The following RELT variants were observed in gnomAD, a reference collection of about 807,000 sequenced individuals.
The protein encoded by RELT is tumor necrosis factor receptor superfamily member 19L.
Under a neutral mutation model 51.1 loss-of-function variants are expected in RELT, and 37 were observed. The ratio of observed to expected loss-of-function variants is 0.72; its 90% confidence interval spans 0.56 to 0.95. RELT has a LOEUF of 0.95. Among genes scored for constraint, RELT ranks in the 40% least tolerant of loss-of-function variants. The pLI, the probability that RELT is intolerant of heterozygous loss-of-function variation, is 0.00. For synonymous variants in RELT, 241 were observed against 235.7 expected, an observed-to-expected ratio of 1.02 and a Z score of -0.21; for missense variants, 535 against 572.6, an observed-to-expected ratio of 0.93 and a Z score of 0.67.
At chr11:73,393,557 C>T (rs574757091) in intron 6 of RELT, 1 of 1,381,808 alleles carries the variant, frequency 7.2e-7, no homozygotes, top group African/African-American at 1.4e-5. Context: ...GCACCGCCCC[C>T]TCGCCCGCCC....
chr11:73,392,739 C>G (rs1866239490), intron 6 of RELT: 6 of 1,384,272 alleles, frequency 4.3e-6, no homozygotes, highest in Middle Eastern at 2.7e-4. Flanking sequence ...GATCTGGACT[C>G]TTTGGAGGCC....
chr11:73,392,276 C>G lies in RELT; in HGVS notation c.433C>G (p.Arg145Gly). 6.2e-7 allele frequency: 1 copy of G among 1,612,970 alleles called. No homozygotes were observed. The change falls in exon 6 of 11, where the codon CGG becomes GGG. Residue 145 changes from arginine to glycine, a missense_variant. Transcript: ENST00000064780. ...AGGGGCCAGCAGCGGTGGTGAGACACGGCAGCCTGGGAACGGCACCCGGGC... is the reference window on the plus strand; with the variant it reads ...AGGGGCCAGCAGCGGTGGTGAGACAGGGCAGCCTGGGAACGGCACCCGGGC... ...AAGASSGGET[R>G]QPGNGTRAGG...
rs970764031 is a variant in RELT, at chr11:73,389,124, C to G, written c.-13C>G. ...CCATCTGCCCTAGGCCGGCGACCACCAGGGGCCTGAGGATGAAGCCAAGTC... is the reference window on the plus strand; with the variant it reads ...CCATCTGCCCTAGGCCGGCGACCACGAGGGGCCTGAGGATGAAGCCAAGTC... On this transcript the variant is annotated 5_prime_UTR_variant, in exon 2 of 11. Coordinates refer to ENST00000064780, the MANE Select transcript of RELT (RefSeq NM_152222.2). The G allele has an allele frequency of 6.5e-7, 1 of 1,546,400 alleles. No individual in the cohort carries two copies. Among genetic ancestry groups the G allele is most frequent in the South Asian group, 1.2e-5 (1 of 84,116 alleles).
rs779661316 is a variant in RELT, at chr11:73,393,811, AG to A, written c.626-24del. 6.2e-5 allele frequency: 100 copies of A among 1,610,378 alleles called. 2 individuals are homozygous for A. The South Asian group carries it at 1.0e-3, about 17-fold the overall frequency. On this transcript the variant is annotated intron_variant, in intron 6 of 10. Transcript: ENST00000064780. ...GGAGTGCGGCTTCCCCCTCTTCCCC[AG>A]GATCAGGGCCCTTCTCTTCCCCAGG...
chr11:73,391,097 T>C lies in RELT; in HGVS notation c.288-47T>C, dbSNP rs774532131. 1.6e-5 allele frequency: 25 copies of C among 1,588,500 alleles called. No individual in the cohort carries two copies. In the South Asian group the frequency reaches 2.1e-4, roughly 13 times the overall value. On this transcript the variant is annotated intron_variant, in intron 4 of 10. Coordinates refer to ENST00000064780, the MANE Select transcript of RELT (RefSeq NM_152222.2). ...GGAATCCAGCCTCTCCTAAGGATAGTGTTTGGGGAAACTTCTGGGCCTCAG... is the reference window on the plus strand; with the variant it reads ...GGAATCCAGCCTCTCCTAAGGATAGCGTTTGGGGAAACTTCTGGGCCTCAG...
Position 73,394,269 on chromosome 11 carries a change from A to G in RELT, c.740A>G (p.Glu247Gly), listed in dbSNP as rs1209253600. 4 of 1,612,012 alleles carry G rather than the reference A, an allele frequency of 2.5e-6. No homozygotes were observed. Among genetic ancestry groups the G allele is most frequent in the Non-Finnish European group, 3.4e-6 (4 of 1,179,524 alleles). ...GCGGCCCTGGAGGAGCTGCTGAAAG[A>G]GTACCACAGCAAACAGCTGGTGCAG... is the stretch of plus-strand genomic sequence containing the variant. Reference protein sequence around the residue: ...NAAALEELLKEYHSKQLVQTS... With the variant: ...NAAALEELLKGYHSKQLVQTS... The change falls in exon 8 of 11, where the codon GAG becomes GGG. Residue 247 changes from glutamate to glycine, a missense_variant. Coordinates refer to ENST00000064780, the MANE Select transcript of RELT (RefSeq NM_152222.2). This position sits in a 1 kb window ranked among gnomAD's most constrained non-coding sequence, Gnocchi z 4.9.
chr11:73,387,254 C>T (rs867885686), intron 1 of RELT, among the ~76,000 whole-genome samples: 1 of 152,158 alleles, frequency 6.6e-6, no homozygotes, highest in African/African-American at 2.4e-5. Context: ...AGCCTGCCCC[C>T]ACCCCCAGCA....
chr11:73,380,815 C>A (rs912041024), intron 1 of RELT, among the ~76,000 whole-genome samples: 1 of 152,166 alleles, frequency 6.6e-6, no homozygotes, highest in Admixed American at 6.5e-5. Flanking sequence ...GTGTGTTTGG[C>A]GCCATTCCCC....
At chr11:73,379,345 C>T (rs1475302396) in intron 1 of RELT, among the ~76,000 whole-genome samples, 1 of 152,234 alleles carries the variant, frequency 6.6e-6, no homozygotes, top group Non-Finnish European at 1.5e-5. Context: ...CCAAACCTTT[C>T]TGGGAACTTG....
At chr11:73,393,976 C>T in intron 7 of RELT, 59 bp downstream of exon 7, 1 of 1,520,424 alleles carries the variant, frequency 6.6e-7, no homozygotes, top group Non-Finnish European at 9.1e-7. Context: ...CCTCCAGGAG[C>T]CTGTGAGGCA....
Position 73,389,194 on chromosome 11 carries a change from TG to T in RELT, c.45+16del. 6.5e-7 allele frequency: 1 copy of T among 1,537,644 alleles called. No homozygotes were observed. Among genetic ancestry groups the T allele is most frequent in the Non-Finnish European group, 8.8e-7 (1 of 1,139,862 alleles). On this transcript the variant is annotated intron_variant, in intron 2 of 10. Transcript: ENST00000064780. ...CTGCTTCCTTATGGTGAGCTGGGGA[TG>T]GGCCCTGGGAAGGAGAAAAGCCGCA...
chr11:73,391,163 G>A lies in RELT; in HGVS notation c.307G>A (p.Val103Ile), dbSNP rs749826369. 4.3e-6 allele frequency: 7 copies of A among 1,613,728 alleles called. No individual in the cohort carries two copies. Among genetic ancestry groups the A allele is most frequent in the African/African-American group, 2.7e-5 (2 of 74,926 alleles). Residue 103 changes from valine (V) to isoleucine (I), a missense_variant, in exon 5 of 11, where the codon GTT becomes ATT. Val to Ile is a conservative substitution (Grantham distance 29, BLOSUM62 3). Coordinates refer to ENST00000064780, the MANE Select transcript of RELT (RefSeq NM_152222.2). ...TCGCAGGTGGTTTGGGCCTTGGGGG[G>A]TTCCCCGCGTTCCATGTCAACCATG... ...CWPGWFGPWGVPRVPCQPCSW... is the reference protein window; with the variant it reads ...CWPGWFGPWGIPRVPCQPCSW...
chr11:73,382,465 G>T (rs1036627956), intron 1 of RELT, among the ~76,000 whole-genome samples: 1 of 152,172 alleles, frequency 6.6e-6, no homozygotes, highest in African/African-American at 2.4e-5. Context: ...GCAGTGAGGT[G>T]TCCTTCAGCA....
intron 6 of RELT, 40 bp from the exon 7 acceptor site, chr11:73,393,797 T>TA: frequency 6.3e-7 from 1 of 1,599,604 alleles, no homozygotes; most frequent in Non-Finnish European, 8.6e-7. Flanking sequence ...GAGTGCGGCT[T>TA]CCCCCTCTTC....
intron 1 of RELT, among the ~76,000 whole-genome samples, chr11:73,385,610 G>C (rs1226286017): frequency 6.6e-6 from 1 of 152,170 alleles, no homozygotes; most frequent in Non-Finnish European, 1.5e-5. Context: ...GTCTGGTGGG[G>C]GAGCAAGGAA....
At chr11:73,393,788 A>T (rs1866258621) in intron 6 of RELT, 49 bp from the exon 7 acceptor site, 1 of 1,588,890 alleles carries the variant, frequency 6.3e-7, no homozygotes, top group South Asian at 1.1e-5. Flanking sequence ...TTAGCTCAGG[A>T]GTGCGGCTTC....
Position 73,394,063 on chromosome 11 carries a change from A to T in RELT, c.706+146A>T. The T allele has an allele frequency of 5.3e-6, 5 of 950,800 alleles. No homozygotes were observed. The highest frequency in any genetic ancestry group is 8.2e-6 in the Non-Finnish European group (5 of 606,686). The allele number at this position is 950,800 out of a possible 1,614,324, so 58.9% of individuals were successfully genotyped here. ...CAAGCAGCCTGGTGCTCTCTGACCC[A>T]GGAGTGCACACCTCTGCCTCCCATT... On this transcript the variant is annotated intron_variant, in intron 7 of 10. Coordinates refer to ENST00000064780, the MANE Select transcript of RELT (RefSeq NM_152222.2). This position sits in a 1 kb window ranked among gnomAD's most constrained non-coding sequence, Gnocchi z 4.9.
chr11:73,396,216 C>T lies in RELT; in HGVS notation c.*725C>T, dbSNP rs1866317729. 6.5e-6 allele frequency: 1 copy of T among 152,732 alleles called. No individual in the cohort carries two copies. Among genetic ancestry groups the T allele is most frequent in the African/African-American group, 2.4e-5 (1 of 41,452 alleles). 9.5% of individuals were successfully genotyped at this position (152,732 alleles called of 1,614,324 possible). A position where few individuals can be genotyped will look rare whatever the true frequency, so the allele number is the denominator to read the frequency against. On this transcript the variant is annotated 3_prime_UTR_variant, in exon 11 of 11. Coordinates refer to ENST00000064780, the MANE Select transcript of RELT (RefSeq NM_152222.2). ...CCTTCAAGGCCCCCATGGGGCTGTC[C>T]ATCCATGGCTCTGCCTACGGAAGGG...
chr11:73,392,502 G>C lies in RELT; in HGVS notation c.625+34G>C, dbSNP rs201026027. 4.4e-6 allele frequency: 7 copies of C among 1,595,028 alleles called. No individual in the cohort carries two copies. The East Asian group carries it at 1.6e-4, about 36-fold the overall frequency. On this transcript the variant is annotated intron_variant, in intron 6 of 10. Transcript: ENST00000064780. ...CAGCTGGGGTCCAGGTGGGAAGGAC[G>C]GGGGCACGAGCCCAGCCCCAGCTCC...
Sources: allele counts gnomAD v4.1 joint callset (sites outside exome capture counted in the v4.1 genomes callset), GRCh38; gene constraint gnomAD v4.1.1; non-coding constraint Gnocchi (gnomAD v3.1); transcripts MANE v1.5; gene names NCBI Gene and HGNC (gene_info 2026-07-23, HGNC 2026-07-21).